The following GPC5 variants were observed in gnomAD, a reference collection of about 807,000 sequenced individuals.
GPC5 encodes glypican-5.
Under a neutral mutation model 53.9 loss-of-function variants are expected in GPC5, and 47 were observed. The ratio of observed to expected loss-of-function variants is 0.87; its 90% CI spans 0.69 to 1.11. GPC5 has a LOEUF of 1.11. Among genes scored for constraint, GPC5 ranks in the 50% most tolerant of loss-of-function variants. The pLI is 0.00. For missense variants in GPC5, 748 were observed against 713.1 expected (o/e 1.05, Z -0.56); for synonymous variants, 286 against 263.3 (o/e 1.09, Z -0.84).
At chr13:92,131,780 T>C (rs1380990132) in intron 6 of GPC5, among the ~76,000 whole-genome samples, 2 of 152,026 alleles carry the variant, frequency 1.3e-5, no homozygotes, top group Non-Finnish European at 2.9e-5. Context: ...TATATGAACC[T>C]ATGTGAAAAT....
At chr13:92,617,455 A>C (rs977759802) in intron 7 of GPC5, among the ~76,000 whole-genome samples, 28 of 152,084 alleles carry the variant, frequency 1.8e-4, no homozygotes, top group African/African-American at 6.5e-4. Context: ...CCCTTCTGCT[A>C]TTTTCCAGGG....
intron 7 of GPC5, among the ~76,000 whole-genome samples, chr13:92,458,316 G>A (rs895398000): frequency 8.7e-6 from 1 of 115,072 alleles, no homozygotes; most frequent in Non-Finnish European, 1.8e-5. Context: ...GGGGGGCAGG[G>A]TGGGGGATGA....
At chr13:91,401,831 T>G (rs1201292593) in intron 1 of GPC5, among the ~76,000 whole-genome samples, 1 of 152,218 alleles carries the variant, frequency 6.6e-6, no homozygotes, top group Non-Finnish European at 1.5e-5. Flanking sequence ...GCTCCAATTC[T>G]TTTAAGCCTA....
At chr13:91,910,191 G>A (rs1217906292) in intron 6 of GPC5, among the ~76,000 whole-genome samples, 1 of 152,154 alleles carries the variant, frequency 6.6e-6, no homozygotes, top group East Asian at 1.9e-4. Flanking sequence ...CTCTCCTGGA[G>A]ATGAAGAGAA....
At chr13:92,383,414 T>C (rs9301798) in intron 7 of GPC5, among the ~76,000 whole-genome samples, 86,019 of 152,058 alleles carry the variant, frequency 0.57, 24,788 homozygotes, top group African/African-American at 0.66. Context: ...TCTTTAGTGC[T>C]GTTGTTCACA....
At chr13:91,767,406 T>G (rs953293548) in intron 5 of GPC5, among the ~76,000 whole-genome samples, 3 of 152,238 alleles carry the variant, frequency 2.0e-5, no homozygotes, top group African/African-American at 7.2e-5. Flanking sequence ...AAATGCTTAT[T>G]TCTAACCAGT....
intron 2 of GPC5, among the ~76,000 whole-genome samples, chr13:91,633,490 C>A (rs906738848): frequency 1.3e-5 from 2 of 152,090 alleles, no homozygotes; most frequent in Non-Finnish European, 2.9e-5. Flanking sequence ...ATGTTCTATT[C>A]ACTCTGCCAA....
intron 2 of GPC5, among the ~76,000 whole-genome samples, chr13:91,650,718 C>G (rs2139552101): frequency 7.3e-6 from 1 of 136,060 alleles, no homozygotes; most frequent in East Asian, 2.2e-4. Context: ...AGAAAAAGAA[C>G]TGTGAACATC....
chr13:91,803,539 AG>A (rs1010289091), intron 5 of GPC5, among the ~76,000 whole-genome samples: 9 of 152,286 alleles, frequency 5.9e-5, no homozygotes, highest in Admixed American at 5.2e-4. Context: ...ATTATAAAAA[AG>A]TTGCTCTCCA....
chr13:91,919,718 A>G (rs535098399), intron 6 of GPC5, among the ~76,000 whole-genome samples: 1 of 152,184 alleles, frequency 6.6e-6, no homozygotes, highest in African/African-American at 2.4e-5. Flanking sequence ...TCTCCCTTGC[A>G]GTCTTTCTGG....
chr13:91,763,247 G>A (rs1417769122), intron 5 of GPC5, among the ~76,000 whole-genome samples: 1 of 152,142 alleles, frequency 6.6e-6, no homozygotes. Flanking sequence ...TACAATCTAT[G>A]CTGACTCTGG....
intron 7 of GPC5, among the ~76,000 whole-genome samples, chr13:92,383,432 AT>A (rs1317922182): frequency 2.6e-5 from 4 of 152,360 alleles, no homozygotes; most frequent in African/African-American, 9.6e-5. Context: ...ACATAATTGT[AT>A]AACATTATAA....
intron 5 of GPC5, among the ~76,000 whole-genome samples, chr13:91,810,938 C>CAAA (rs35192534): frequency 1.9e-5 from 2 of 105,764 alleles, no homozygotes; most frequent in Non-Finnish European, 4.2e-5. Flanking sequence ...TTTGTGTAAC[C>CAAA]AAAAAAAAAA....
chr13:92,214,130 G>A (rs1168637401), intron 7 of GPC5, among the ~76,000 whole-genome samples: 4 of 152,126 alleles, frequency 2.6e-5, no homozygotes, highest in African/African-American at 7.2e-5. Flanking sequence ...AGTCTTCCCA[G>A]CTGTTTTCTA....
At chr13:92,515,283 T>C (rs1216227434) in intron 7 of GPC5, among the ~76,000 whole-genome samples, 5 of 152,160 alleles carry the variant, frequency 3.3e-5, no homozygotes, top group African/African-American at 1.2e-4. Flanking sequence ...ATAGTTGATA[T>C]ACAGAAACAT....
At chr13:92,344,629 G>A (rs1021382936) in intron 7 of GPC5, among the ~76,000 whole-genome samples, 2 of 152,084 alleles carry the variant, frequency 1.3e-5, no homozygotes, top group African/African-American at 4.8e-5. Context: ...GAAAAATACT[G>A]GTTTGGAATT....
intron 7 of GPC5, among the ~76,000 whole-genome samples, chr13:92,315,042 GC>G (rs2043169755): frequency 6.6e-6 from 1 of 152,172 alleles, no homozygotes; most frequent in African/African-American, 2.4e-5. Context: ...CTCTCAAAGT[GC>G]TGGGATTACA....
chr13:92,092,252 T>A (rs1449035642), intron 6 of GPC5, among the ~76,000 whole-genome samples: 1 of 152,218 alleles, frequency 6.6e-6, no homozygotes, highest in Admixed American at 6.5e-5. Flanking sequence ...GCACTTATGC[T>A]TACATATATT....
At chr13:92,251,119 A>C (rs2042689797) in intron 7 of GPC5, among the ~76,000 whole-genome samples, 1 of 152,092 alleles carries the variant, frequency 6.6e-6, no homozygotes, top group African/African-American at 2.4e-5. Context: ...ATCCCACATA[A>C]AGCTCCAGAA....
Sources: allele counts gnomAD v4.1 joint callset (sites outside exome capture counted in the v4.1 genomes callset), GRCh38; gene constraint gnomAD v4.1.1; transcripts MANE v1.5; gene names NCBI Gene and HGNC (gene_info 2026-07-23, HGNC 2026-07-21).